MARCHF1: variants seen among roughly 807,000 people sequenced by gnomAD.
MARCHF1 encodes E3 ubiquitin-protein ligase MARCHF1.
In MARCHF1, 40 loss-of-function variants were observed where a neutral mutation model predicts 54.2. The observed-to-expected ratio is 0.74, with a 90% CI of 0.57 to 0.96. The LOEUF is 0.96. Ranked by LOEUF, MARCHF1 falls within the 40% of genes least tolerant of loss-of-function variation. The probability of loss-of-function intolerance (pLI) is 0.00; values close to 1 mark genes in which losing one functional copy is unlikely to be tolerated. For synonymous variants in MARCHF1, 236 were observed against 236.3 expected (o/e 1.00, Z 0.01); for missense variants, 586 against 656.5 (o/e 0.89, Z 1.17).
chr4:164,071,019 G>A (rs189430232), intron 2 of MARCHF1, among the ~76,000 whole-genome samples: 7 of 151,888 alleles, frequency 4.6e-5, no homozygotes, highest in Admixed American at 3.9e-4. Context: ...AGAGCCTTTC[G>A]CCTCCCACCA....
intron 3 of MARCHF1, among the ~76,000 whole-genome samples, chr4:163,894,147 T>C (rs1163807142): frequency 6.6e-6 from 1 of 152,158 alleles, no homozygotes; most frequent in Non-Finnish European, 1.5e-5. Context: ...TATTATTTCG[T>C]ATTAGGGACA....
intron 1 of MARCHF1, among the ~76,000 whole-genome samples, chr4:164,294,326 C>T (rs1157320531): frequency 2.0e-5 from 3 of 152,168 alleles, no homozygotes; most frequent in African/African-American, 7.2e-5. Flanking sequence ...TTCAAATATA[C>T]ATTTATCTTA....
rs36039503 is a variant in MARCHF1, at chr4:163,796,221, G to GTT, written c.111+57798_111+57799dup. On this transcript the variant is annotated intron_variant, in intron 4 of 9. Coordinates refer to ENST00000514618, the MANE Select transcript of MARCHF1 (RefSeq NM_001394959.1). ...TACTTCCAGAAAAGTGAAACTTCTA[G>GTT]TTTTTTTTTTTTTTTTTTTTTTTGA... Among the ~76,000 whole-genome samples the GTT allele has an allele frequency of 3.4e-3, 278 of 82,188 alleles. 4 individuals are homozygous for GTT. The highest frequency in any genetic ancestry group is 6.8e-3 in the African/African-American group (166 of 24,406). 53.9% of individuals were successfully genotyped at this position (82,188 alleles called of 152,430 possible).
intron 1 of MARCHF1, among the ~76,000 whole-genome samples, chr4:164,176,374 C>G (rs913687690): frequency 2.6e-5 from 4 of 152,160 alleles, no homozygotes; most frequent in African/African-American, 7.2e-5. Flanking sequence ...TCATACAGCA[C>G]TAACAAAAGG....
chr4:163,865,602 T>A (rs1750030259), intron 3 of MARCHF1, among the ~76,000 whole-genome samples: 1 of 151,888 alleles, frequency 6.6e-6, no homozygotes, highest in Non-Finnish European at 1.5e-5. Context: ...GAAAATTGCA[T>A]CACTCATTAC....
intron 3 of MARCHF1, among the ~76,000 whole-genome samples, chr4:163,906,347 C>A (rs1751066303): frequency 6.6e-6 from 1 of 151,938 alleles, no homozygotes; most frequent in Non-Finnish European, 1.5e-5. Context: ...CATTGGAATT[C>A]ACCTTGAGGA....
chr4:163,624,348 G>A (rs1034334701), intron 5 of MARCHF1, among the ~76,000 whole-genome samples: 9 of 152,122 alleles, frequency 5.9e-5, no homozygotes, highest in Admixed American at 1.3e-4. Context: ...TCCTTCAAGC[G>A]GTCAATTCTT....
intron 4 of MARCHF1, among the ~76,000 whole-genome samples, chr4:163,707,371 T>C (rs947519712): frequency 1.3e-5 from 2 of 151,832 alleles, no homozygotes; most frequent in African/African-American, 4.8e-5. Context: ...GAGGCAACAG[T>C]AAGGAATCAA....
chr4:164,074,006 A>G (rs569932662), intron 2 of MARCHF1, among the ~76,000 whole-genome samples: 5 of 152,272 alleles, frequency 3.3e-5, no homozygotes, highest in Non-Finnish European at 5.9e-5. Flanking sequence ...GAGTTTCACC[A>G]TGTTTGCCAG....
chr4:164,256,726 T>C (rs1733298484), intron 1 of MARCHF1, among the ~76,000 whole-genome samples: 1 of 152,132 alleles, frequency 6.6e-6, no homozygotes, highest in South Asian at 2.1e-4. Context: ...CAAGAGTAAG[T>C]TGAAAACATG....
intron 3 of MARCHF1, among the ~76,000 whole-genome samples, chr4:163,922,370 A>T (rs1022725893): frequency 3.3e-5 from 5 of 152,086 alleles, no homozygotes; most frequent in Admixed American, 3.3e-4. Context: ...TAATAATAAT[A>T]AAAAAATCAA....
At chr4:164,315,231 CAAAAAAAAAAAAAAA>C (rs58264322) in intron 1 of MARCHF1, among the ~76,000 whole-genome samples, 15 of 100,680 alleles carry the variant, frequency 1.5e-4, no homozygotes, top group African/African-American at 5.5e-4. Context: ...GTTAATTTAA[CAAAAAAAAAAAAAAA>C]AAAAAGAATT....
At chr4:163,645,826 A>T (rs2111051082) in intron 5 of MARCHF1, among the ~76,000 whole-genome samples, 1 of 152,318 alleles carries the variant, frequency 6.6e-6, no homozygotes, top group East Asian at 1.9e-4. Flanking sequence ...AGCCAGGTAA[A>T]CAATAAGGGT....
intron 2 of MARCHF1, among the ~76,000 whole-genome samples, chr4:164,067,459 C>T (rs192320092): frequency 1.2e-4 from 19 of 152,076 alleles, no homozygotes; most frequent in Non-Finnish European, 2.5e-4. Context: ...TTCAACAAGG[C>T]CAACAAAAAC....
chr4:164,298,309 G>A (rs1239635404), intron 1 of MARCHF1, among the ~76,000 whole-genome samples: 4 of 151,830 alleles, frequency 2.6e-5, no homozygotes. Flanking sequence ...GCTAAAAAGA[G>A]AATAAATATA....
intron 5 of MARCHF1, among the ~76,000 whole-genome samples, chr4:163,662,582 T>C (rs1190145781): frequency 6.6e-6 from 1 of 152,056 alleles, no homozygotes; most frequent in Non-Finnish European, 1.5e-5. Context: ...TCTAAGTCCG[T>C]CTGTTACCAT....
At chr4:164,363,337 CTGAGA>C (rs1239305830) in intron 1 of MARCHF1, among the ~76,000 whole-genome samples, 19 of 152,200 alleles carry the variant, frequency 1.2e-4, no homozygotes, top group African/African-American at 4.6e-4. Context: ...TCTTATCTTT[CTGAGA>C]TAACTCTTTC....
At chr4:163,845,914 T>C (rs1749472337) in intron 4 of MARCHF1, among the ~76,000 whole-genome samples, 1 of 152,196 alleles carries the variant, frequency 6.6e-6, no homozygotes, top group Non-Finnish European at 1.5e-5. Context: ...CAGTCTCCCC[T>C]TCGCATTCTT....
intron 2 of MARCHF1, among the ~76,000 whole-genome samples, chr4:164,076,063 G>T (rs1754972002): frequency 6.6e-6 from 1 of 151,960 alleles, no homozygotes; most frequent in Non-Finnish European, 1.5e-5. Context: ...TAAAAGAAGT[G>T]CTTGGTCAAA....
Sources: gnomAD v4.1 joint callset for allele counts (sites outside exome capture counted in the v4.1 genomes callset) on GRCh38, gnomAD v4.1.1 for gene constraint, MANE v1.5 for transcripts, NCBI Gene and HGNC (gene_info 2026-07-23, HGNC 2026-07-21) for gene names.